Variants in DIP2C observed in about 807,000 individuals in gnomAD.
DIP2C encodes disco-interacting protein 2 homolog C.
In DIP2C, 33 loss-of-function variants were observed where a neutral mutation model predicts 192.4. That is an observed-to-expected ratio of 0.17 (90% confidence interval 0.13 to 0.23). DIP2C has a LOEUF of 0.23. DIP2C is among the 10% of genes least tolerant of loss of function. The pLI is 1.00. For synonymous variants in DIP2C, 979 were observed against 864.1 expected (o/e 1.13, Z -2.33); for missense variants, 1,537 against 2,110.1 (o/e 0.73, Z 5.32).
intron 1 of DIP2C, among the ~76,000 whole-genome samples, chr10:512,505 A>C (rs553987621): frequency 7.2e-5 from 11 of 152,006 alleles, no homozygotes; most frequent in South Asian, 2.1e-4. Flanking sequence ...AGAGGTGATC[A>C]CCCAGGAGGT....
At chr10:525,505 T>TCC (rs1846996705) in intron 1 of DIP2C, among the ~76,000 whole-genome samples, 1 of 152,226 alleles carries the variant, frequency 6.6e-6, no homozygotes, top group East Asian at 1.9e-4. Context: ...TACAAAGTGT[T>TCC]TGAGGAAAAG....
At chr10:338,923 C>T (rs1342941995) in intron 29 of DIP2C, among the ~76,000 whole-genome samples, 2 of 149,902 alleles carry the variant, frequency 1.3e-5, no homozygotes, top group Non-Finnish European at 3.0e-5. Flanking sequence ...GCCACCTGCA[C>T]CCTGCACCCT....
intron 1 of DIP2C, among the ~76,000 whole-genome samples, chr10:563,904 A>G (rs759237164): frequency 2.6e-5 from 4 of 151,850 alleles, no homozygotes; most frequent in Non-Finnish European, 5.9e-5. Flanking sequence ...TAATGTGTCA[A>G]AAATCCCAAC....
intron 1 of DIP2C, among the ~76,000 whole-genome samples, chr10:592,348 T>C (rs1028116376): frequency 5.3e-5 from 8 of 152,144 alleles, no homozygotes; most frequent in Admixed American, 1.3e-4. Context: ...CACCACATTA[T>C]CTTCTACAAA....
chr10:502,281 A>G (rs772938173), intron 1 of DIP2C, among the ~76,000 whole-genome samples: 22 of 152,250 alleles, frequency 1.4e-4, no homozygotes, highest in Non-Finnish European at 3.1e-4. Context: ...CTAAACCTAC[A>G]TGAATTTTTA....
At chr10:302,426 C>T (rs1304652738) in intron 32 of DIP2C, among the ~76,000 whole-genome samples, 1 of 152,202 alleles carries the variant, frequency 6.6e-6, no homozygotes, top group Non-Finnish European at 1.5e-5. Context: ...CCCTGAGGCT[C>T]AGCTCTGGTA....
At chr10:526,150 C>T (rs1253454407) in intron 1 of DIP2C, among the ~76,000 whole-genome samples, 1 of 152,136 alleles carries the variant, frequency 6.6e-6, no homozygotes, top group Admixed American at 6.6e-5. Context: ...CAGGACCGAC[C>T]GGGGCTCACA....
At chr10:300,023 G>A (rs1288923393) in intron 32 of DIP2C, among the ~76,000 whole-genome samples, 1 of 152,182 alleles carries the variant, frequency 6.6e-6, no homozygotes, top group African/African-American at 2.4e-5. Flanking sequence ...TACTGTTGGT[G>A]AGCACACGGA....
Position 363,935 on chromosome 10 carries a change from G to A in DIP2C, c.2477+439C>T, listed in dbSNP as rs773422094. Reference sequence around the variant, plus strand: ...GAACCGTGGCAACTTATTTCATCACGGAGCCTCCACTGTGCACCAGGCAAG... The same window carrying A: ...GAACCGTGGCAACTTATTTCATCACAGAGCCTCCACTGTGCACCAGGCAAG... On this transcript the variant is annotated intron_variant, in intron 20 of 36. Coordinates refer to ENST00000280886, the MANE Select transcript of DIP2C (RefSeq NM_014974.3). The surrounding 1 kb of genome is among the most constrained non-coding windows in gnomAD (Gnocchi z 5.4). Among the ~76,000 whole-genome samples, 7 of 152,096 alleles carry A rather than the reference G, an allele frequency of 4.6e-5. No homozygotes were observed. The highest frequency in any genetic ancestry group is 9.7e-5 in the African/African-American group (4 of 41,400).
intron 4 of DIP2C, among the ~76,000 whole-genome samples, chr10:436,685 T>C (rs1308193200): frequency 6.7e-6 from 1 of 149,344 alleles, no homozygotes; most frequent in African/African-American, 2.5e-5. Context: ...CTCCGCCTCC[T>C]GGACATGGTA....
intron 1 of DIP2C, among the ~76,000 whole-genome samples, chr10:490,860 C>T (rs1844386485): frequency 6.6e-6 from 1 of 152,128 alleles, no homozygotes; most frequent in Non-Finnish European, 1.5e-5. Context: ...CACACAAGTC[C>T]TACTTTGGAA....
intron 4 of DIP2C, among the ~76,000 whole-genome samples, chr10:428,725 GCTCTTTT>G (rs1564701058): frequency 6.6e-6 from 1 of 152,082 alleles, no homozygotes; most frequent in Admixed American, 6.5e-5. Context: ...AAAGGCTCCT[GCTCTTTT>G]CTCTTTTCCT....
intron 2 of DIP2C, among the ~76,000 whole-genome samples, chr10:477,251 T>C (rs1843105752): frequency 1.0e-5 from 1 of 97,946 alleles, no homozygotes; most frequent in Non-Finnish European, 2.0e-5. Flanking sequence ...GAGAAAAGAA[T>C]GGATGGATAG....
intron 1 of DIP2C, among the ~76,000 whole-genome samples, chr10:542,458 C>T (rs1295990651): frequency 6.6e-6 from 1 of 152,200 alleles, no homozygotes; most frequent in African/African-American, 2.4e-5. Context: ...GCAGGACCCA[C>T]CAGCAGGACT....
At chr10:598,993 C>G (rs568752791) in intron 1 of DIP2C, among the ~76,000 whole-genome samples, 8 of 152,252 alleles carry the variant, frequency 5.3e-5, no homozygotes, top group Admixed American at 5.2e-4. Flanking sequence ...GGCACGGCCC[C>G]CGGGCCCACC....
At chr10:688,453 T>C (rs745678211) in intron 1 of DIP2C, among the ~76,000 whole-genome samples, 1 of 151,966 alleles carries the variant, frequency 6.6e-6, no homozygotes, top group Non-Finnish European at 1.5e-5. Context: ...CCGGTGAAAA[T>C]TGGCACGAAT....
At chr10:336,946 C>CA (rs1957811486) in intron 29 of DIP2C, among the ~76,000 whole-genome samples, 3 of 17,952 alleles carry the variant, frequency 1.7e-4, no homozygotes, top group South Asian at 2.0e-3. Context: ...CTGGTGTGTG[C>CA]GCGTGTGTGT....
chr10:428,368 ATG>A (rs1245560361), intron 4 of DIP2C, among the ~76,000 whole-genome samples: 17 of 152,210 alleles, frequency 1.1e-4, no homozygotes, highest in African/African-American at 3.9e-4. Context: ...CTCAGCTTTC[ATG>A]TGTGTGAATG....
At chr10:301,044 C>T (rs1956021232) in intron 32 of DIP2C, among the ~76,000 whole-genome samples, 1 of 152,094 alleles carries the variant, frequency 6.6e-6, no homozygotes, top group Non-Finnish European at 1.5e-5. Context: ...AGCAAGTTTC[C>T]AGCAGGAGGG....
Sources: gnomAD v4.1 joint callset for allele counts (sites outside exome capture counted in the v4.1 genomes callset) on GRCh38, gnomAD v4.1.1 for gene constraint, Gnocchi (gnomAD v3.1) non-coding constraint, MANE v1.5 for transcripts, NCBI Gene and HGNC (gene_info 2026-07-23, HGNC 2026-07-21) for gene names.